The following CAMK2D variants were observed in gnomAD, a reference collection of about 807,000 sequenced individuals.
The protein encoded by CAMK2D is calcium/calmodulin dependent protein kinase II delta.
CAMK2D carries 37 observed loss-of-function variants against 84.0 expected under a neutral mutation model. That is an observed-to-expected ratio of 0.44 (90% CI 0.34 to 0.58). CAMK2D has a LOEUF of 0.58. Among genes scored for constraint, CAMK2D ranks in the 20% least tolerant of loss-of-function variants. The pLI is 0.02. For synonymous variants in CAMK2D, 202 were observed against 212.5 expected (o/e 0.95, Z 0.43); for missense variants, 448 against 652.5 (o/e 0.69, Z 3.41).
At chr4:113,672,069 T>C (rs904922854) in intron 2 of CAMK2D, among the ~76,000 whole-genome samples, 3 of 152,108 alleles carry the variant, frequency 2.0e-5, no homozygotes, top group Non-Finnish European at 2.9e-5. Flanking sequence ...AAGATGAGAA[T>C]GTATTGTTTA....
At chr4:113,749,703 T>G (rs547010265) in intron 2 of CAMK2D, among the ~76,000 whole-genome samples, 1 of 152,264 alleles carries the variant, frequency 6.6e-6, no homozygotes, top group East Asian at 1.9e-4. Flanking sequence ...TAGCCCTCAT[T>G]AATGAGCCAC....
In CAMK2D at chr4:113,715,281, T is replaced by C. The variant is rs74854140; in HGVS notation, c.160+44039A>G. 8.3e-4 allele frequency among the ~76,000 whole-genome samples: 126 copies of C among 152,228 alleles called. 2 individuals carry two copies. In the East Asian group the frequency reaches 0.018, roughly 21 times the overall value. On this transcript the variant is annotated intron_variant, in intron 2 of 20. Coordinates refer to ENST00000511664, the MANE Select transcript of CAMK2D (RefSeq NM_001321571.2). ...CAAATATTGAGAATTTGTTTCTTCT[T>C]TTCCAGTATGAAACCTTTTAACAGT...
intron 8 of CAMK2D, among the ~76,000 whole-genome samples, chr4:113,523,067 CA>C (rs1368300451): frequency 6.6e-6 from 1 of 152,136 alleles, no homozygotes; most frequent in African/African-American, 2.4e-5. Flanking sequence ...AAAAAGTTGG[CA>C]GTCTGTAACC....
At chr4:113,659,091 G>C (rs753279819) in intron 3 of CAMK2D, among the ~76,000 whole-genome samples, 5 of 152,148 alleles carry the variant, frequency 3.3e-5, no homozygotes, top group Admixed American at 6.6e-5. Flanking sequence ...AAAATGAAAA[G>C]AGTTCTTGTT....
chr4:113,596,268 T>C (rs1243693481), intron 4 of CAMK2D, among the ~76,000 whole-genome samples: 1 of 152,232 alleles, frequency 6.6e-6, no homozygotes, highest in East Asian at 1.9e-4. Flanking sequence ...TTTTCACATC[T>C]GCAGTTATAT....
In CAMK2D at chr4:113,495,147, G is replaced by A. The variant is rs144025829; in HGVS notation, c.1135+5316C>T. On this transcript the variant is annotated intron_variant, in intron 16 of 20. Transcript: ENST00000511664. ...CTGTAGACCAGAGTTGTTCCTATTTGGCCATCTTGGCTCCTCCCCCCAGTA... is the reference window on the plus strand; with the variant it reads ...CTGTAGACCAGAGTTGTTCCTATTTAGCCATCTTGGCTCCTCCCCCCAGTA... Among the ~76,000 whole-genome samples the A allele has an allele frequency of 3.8e-3, 580 of 152,132 alleles. 5 individuals carry two copies. Among genetic ancestry groups the A allele is most frequent in the African/African-American group, 0.013 (560 of 41,506 alleles).
In CAMK2D at chr4:113,451,274, T is replaced by C. The variant is rs1421531390; in HGVS notation, c.*3271A>G. The C allele has an allele frequency of 6.6e-6, 1 of 152,136 alleles. No homozygotes were observed. The highest frequency in any genetic ancestry group is 6.6e-5 in the Admixed American group (1 of 15,260). 9.4% of individuals were successfully genotyped at this position (152,136 alleles called of 1,614,324 possible). A position where few individuals can be genotyped will look rare whatever the true frequency, so the allele number is the denominator to read the frequency against. On this transcript the variant is annotated 3_prime_UTR_variant, in exon 21 of 21. Coordinates refer to ENST00000511664, the MANE Select transcript of CAMK2D (RefSeq NM_001321571.2). Reference sequence around the variant, plus strand: ...GCTGAGACATTTGAGTCCGAGTATATCCTCAGCATTAACAGTAAACCTACA... The same window carrying C: ...GCTGAGACATTTGAGTCCGAGTATACCCTCAGCATTAACAGTAAACCTACA...
In CAMK2D at chr4:113,760,079, C is replaced by T. The variant is rs2149178563; in HGVS notation, c.66-665G>A. ...AACCAACAACATACATATAAACGCA[C>T]TCCTTTCATAAAAGTAACAGTCGAA... On this transcript the variant is annotated intron_variant, in intron 1 of 20. Transcript: ENST00000511664. Among the ~76,000 whole-genome samples, 3 of 152,294 alleles carry T rather than the reference C, an allele frequency of 2.0e-5. 1 individual carries two copies. The South Asian group carries it at 6.2e-4, about 32-fold the overall frequency.
chr4:113,619,751 T>C (rs1004501059), intron 3 of CAMK2D, among the ~76,000 whole-genome samples: 7 of 152,226 alleles, frequency 4.6e-5, no homozygotes, highest in Admixed American at 1.3e-4. Flanking sequence ...TCAATTTGTT[T>C]ACGTATTATC....
chr4:113,690,031 G>T (rs1241786710), intron 2 of CAMK2D, among the ~76,000 whole-genome samples: 1 of 152,104 alleles, frequency 6.6e-6, no homozygotes, highest in Non-Finnish European at 1.5e-5. Flanking sequence ...ATACCATGGT[G>T]GGCGAATAGG....
chr4:113,741,903 G>T (rs760930013), intron 2 of CAMK2D, among the ~76,000 whole-genome samples: 1 of 152,044 alleles, frequency 6.6e-6, no homozygotes, highest in South Asian at 2.1e-4. Flanking sequence ...TTCTTTCTTC[G>T]TATTTTCTCA....
intron 2 of CAMK2D, among the ~76,000 whole-genome samples, chr4:113,707,237 C>A (rs1400873601): frequency 6.6e-6 from 1 of 151,970 alleles, no homozygotes; most frequent in African/African-American, 2.4e-5. Context: ...GCTATCCATG[C>A]CCAGTTATGA....
chr4:113,735,289 GAAAAAAAAAAAAAAAAAA>G (rs769117708), intron 2 of CAMK2D, among the ~76,000 whole-genome samples: 10 of 44,764 alleles, frequency 2.2e-4, no homozygotes, highest in Admixed American at 1.1e-3. Context: ...ATCTCTACAG[GAAAAAAAAAAAAAAAAAA>G]AAAAAAAAAA....
intron 2 of CAMK2D, among the ~76,000 whole-genome samples, chr4:113,715,532 A>G (rs993741207): frequency 3.3e-5 from 5 of 152,152 alleles, no homozygotes; most frequent in Admixed American, 1.3e-4. Flanking sequence ...GAAAGTATAC[A>G]TTAATATATA....
chr4:113,758,159 T>C (rs998161437), intron 2 of CAMK2D, among the ~76,000 whole-genome samples: 2 of 152,134 alleles, frequency 1.3e-5, no homozygotes, highest in African/African-American at 4.8e-5. Context: ...TAAGAGAACA[T>C]AATTAACATA....
chr4:113,638,446 C>T (rs1474486555), intron 3 of CAMK2D, among the ~76,000 whole-genome samples: 1 of 151,978 alleles, frequency 6.6e-6, no homozygotes, highest in African/African-American at 2.4e-5. Flanking sequence ...AGGTGTGATT[C>T]CCATAGAGAA....
intron 2 of CAMK2D, among the ~76,000 whole-genome samples, chr4:113,756,656 T>C (rs2099629258): frequency 6.6e-6 from 1 of 152,096 alleles, no homozygotes. Flanking sequence ...ACTTCACGGA[T>C]TTATTTTCAG....
At chr4:113,754,771 C>G (rs6856915) in intron 2 of CAMK2D, 436,061 of 978,358 alleles carry the variant, frequency 0.45, 99,151 homozygotes, top group African/African-American at 0.64. Context: ...TGTTTAATAT[C>G]AAGACCTATA....
chr4:113,529,703 T>G (rs2098445324), intron 8 of CAMK2D, among the ~76,000 whole-genome samples: 1 of 152,216 alleles, frequency 6.6e-6, no homozygotes, highest in Non-Finnish European at 1.5e-5. Context: ...GGATACTGTT[T>G]TTGATTTGAG....
Sources: gnomAD v4.1 joint callset for allele counts (sites outside exome capture counted in the v4.1 genomes callset) on GRCh38, gnomAD v4.1.1 for gene constraint, MANE v1.5 for transcripts, NCBI Gene and HGNC (gene_info 2026-07-23, HGNC 2026-07-21) for gene names.